The following RANBP3 variants were observed in gnomAD, a reference collection of about 807,000 sequenced individuals.
The protein encoded by RANBP3 is RAN binding protein 3, also known as ran-binding protein 3.
RANBP3 carries 14 observed loss-of-function variants against 77.3 expected under a neutral mutation model. That is an observed-to-expected ratio of 0.18 (90% CI 0.12 to 0.28). The LOEUF (loss-of-function observed/expected upper bound fraction) is 0.28, where lower values mean the gene tolerates loss of function less well. Among genes scored for constraint, RANBP3 ranks in the 10% least tolerant of loss-of-function variants. RANBP3 has a pLI of 1.00. For synonymous variants in RANBP3, 315 were observed against 312.4 expected (o/e 1.01, Z -0.09); for missense variants, 586 against 752.3 (o/e 0.78, Z 2.59).
chr19:5,939,156 G>A (rs2058102393), intron 5 of RANBP3, among the ~76,000 whole-genome samples: 1 of 152,212 alleles, frequency 6.6e-6, no homozygotes, highest in South Asian at 2.1e-4. Context: ...CTGCACTCCA[G>A]CCTGGGCAAA....
intron 3 of RANBP3, among the ~76,000 whole-genome samples, chr19:5,947,093 C>T (rs892613771): frequency 6.6e-6 from 1 of 152,134 alleles, no homozygotes; most frequent in Non-Finnish European, 1.5e-5. Flanking sequence ...GCGGGTGGAT[C>T]ACCTGAGGTC....
At chr19:5,977,536 C>A (rs889869062) in intron 1 of RANBP3, among the ~76,000 whole-genome samples, 22 of 150,888 alleles carry the variant, frequency 1.5e-4, no homozygotes, top group Admixed American at 1.2e-3. Context: ...GGGGCGGGGA[C>A]GGGGTGAAAA....
intron 3 of RANBP3, among the ~76,000 whole-genome samples, chr19:5,943,868 C>T (rs956985725): frequency 6.6e-6 from 1 of 152,196 alleles, no homozygotes; most frequent in Non-Finnish European, 1.5e-5. Context: ...GTCCAAAACG[C>T]AATGCCATCA....
At chr19:5,926,073 C>T (rs936987598) in intron 9 of RANBP3, among the ~76,000 whole-genome samples, 1 of 152,100 alleles carries the variant, frequency 6.6e-6, no homozygotes, top group Non-Finnish European at 1.5e-5. Context: ...ACAAAGCTGA[C>T]GTTTTGGGGG....
Position 5,916,882 on chromosome 19 carries a change from T to C in RANBP3, c.*728A>G, listed in dbSNP as rs1324234113. On this transcript the variant is annotated 3_prime_UTR_variant, in exon 17 of 17. Coordinates refer to ENST00000340578, the MANE Select transcript of RANBP3 (RefSeq NM_007322.3). ...TGACTTGGCCTGGAGGAACCTGGGG[T>C]GGGAAACAAGTAGTCCCCCAACCTC... is the stretch of plus-strand genomic sequence containing the variant. The C allele has an allele frequency of 6.6e-6, 1 of 151,516 alleles. No individual in the cohort carries two copies. The highest frequency in any genetic ancestry group is 1.5e-5 in the Non-Finnish European group (1 of 67,970). The allele number at this position is 151,516 out of a possible 1,614,324, so 9.4% of individuals were successfully genotyped here. A position where few individuals can be genotyped will look rare whatever the true frequency, so the allele number is the denominator to read the frequency against.
At chr19:5,940,642 AACAACTT>A (rs2058123865) in intron 5 of RANBP3, among the ~76,000 whole-genome samples, 1 of 152,214 alleles carries the variant, frequency 6.6e-6, no homozygotes, top group African/African-American at 2.4e-5. Context: ...TGTAAGCAGA[AACAACTT>A]GACATCCTGA....
Position 5,958,304 on chromosome 19 carries a change from G to A in RANBP3, c.23-331C>T, listed in dbSNP as rs187380929. Among the ~76,000 whole-genome samples, 1 of 152,348 alleles carries A rather than the reference G, an allele frequency of 6.6e-6. No individual in the cohort carries two copies. The highest frequency in any genetic ancestry group is 2.4e-5 in the African/African-American group (1 of 41,580). On this transcript the variant is annotated intron_variant, in intron 1 of 16. Coordinates refer to ENST00000340578, the MANE Select transcript of RANBP3 (RefSeq NM_007322.3). The surrounding 1 kb of genome is among the most constrained non-coding windows in gnomAD (Gnocchi z 4.4). ...GCAGCGCTATTTGGCGCCATGAACT[G>A]TGACCTTGCAGGAATGTGGCACCTC...
chr19:5,966,233 G>A (rs2058466387), intron 1 of RANBP3, among the ~76,000 whole-genome samples: 1 of 152,180 alleles, frequency 6.6e-6, no homozygotes, highest in Non-Finnish European at 1.5e-5. Flanking sequence ...GGAGGAGCAC[G>A]AACCAAACTA....
chr19:5,973,393 G>A (rs1244112874), intron 1 of RANBP3, among the ~76,000 whole-genome samples: 2 of 152,162 alleles, frequency 1.3e-5, no homozygotes, highest in African/African-American at 2.4e-5. Context: ...ACACTGGGAC[G>A]GAGACATTTC....
intron 1 of RANBP3, among the ~76,000 whole-genome samples, chr19:5,966,310 G>T (rs1387526133): frequency 1.3e-5 from 2 of 152,170 alleles, no homozygotes. Flanking sequence ...ACCTGCCTCA[G>T]CCAACACAGT....
In RANBP3 at chr19:5,917,028, T is replaced by C. The variant is rs1187234159; in HGVS notation, c.*582A>G. 6.4e-6 allele frequency: 1 copy of C among 155,388 alleles called. No homozygotes were observed. The highest frequency in any genetic ancestry group is 2.4e-5 in the African/African-American group (1 of 41,518). 9.6% of individuals were successfully genotyped at this position (155,388 alleles called of 1,614,324 possible). A position where few individuals can be genotyped will look rare whatever the true frequency, so the allele number is the denominator to read the frequency against. ...CTTCGAAAATAAAAAGAAAAAAAGA[T>C]GTAAAATATACACCCCCAATCAGAG... On this transcript the variant is annotated 3_prime_UTR_variant, in exon 17 of 17. Transcript: ENST00000340578.
chr19:5,966,712 A>G (rs1006822816), intron 1 of RANBP3, among the ~76,000 whole-genome samples: 2 of 152,224 alleles, frequency 1.3e-5, no homozygotes, highest in East Asian at 1.9e-4. Context: ...GAAAACACAT[A>G]TAAGAGAGAA....
At chr19:5,961,008 C>G (rs560730669) in intron 1 of RANBP3, among the ~76,000 whole-genome samples, 2 of 152,304 alleles carry the variant, frequency 1.3e-5, no homozygotes, top group East Asian at 3.9e-4. Flanking sequence ...ATCAGATCCT[C>G]CACAATTGCC....
chr19:5,932,225 C>T (rs2058001924), intron 7 of RANBP3, among the ~76,000 whole-genome samples: 1 of 152,208 alleles, frequency 6.6e-6, no homozygotes, highest in Non-Finnish European at 1.5e-5. Context: ...CAGCCGAGAG[C>T]TGTGAGGAAG....
Position 5,978,030 on chromosome 19 carries a change from G to A in RANBP3, c.22+31C>T, listed in dbSNP as rs559394644. On this transcript the variant is annotated intron_variant, in intron 1 of 16. Coordinates refer to ENST00000340578, the MANE Select transcript of RANBP3 (RefSeq NM_007322.3). The stretch of plus-strand genomic sequence containing the variant: ...TCCTCCCGCCGCCCGTTCCCCGGCC[G>A]CCAGCCGGTCCCCAACGGCGCCTCC... 105 of 1,607,108 alleles carry A rather than the reference G, an allele frequency of 6.5e-5. 1 individual carries two copies. Among genetic ancestry groups the A allele is most frequent in the Middle Eastern group, 5.0e-4 (3 of 6,042 alleles).
intron 1 of RANBP3, among the ~76,000 whole-genome samples, chr19:5,964,666 G>A (rs2058442199): frequency 6.6e-6 from 1 of 152,152 alleles, no homozygotes; most frequent in African/African-American, 2.4e-5. Flanking sequence ...CTGGACAGAA[G>A]GACAAGCAGC....
At position 5,944,152 on chromosome 19, in the gene RANBP3, C is replaced by T. The variant is rs549747659; in HGVS notation, c.283-2317G>A. Among the ~76,000 whole-genome samples the T allele has an allele frequency of 3.9e-5, 6 of 152,348 alleles. No individual in the cohort carries two copies. The East Asian group carries it at 9.6e-4, about 24-fold the overall frequency. On this transcript the variant is annotated intron_variant, in intron 3 of 16. Coordinates refer to ENST00000340578, the MANE Select transcript of RANBP3 (RefSeq NM_007322.3). ...TGATTATAATGCTCGTGACCCACAC[C>T]TGATGAGATCAAACTCCCAACCGAT...
At position 5,923,209 on chromosome 19, in the gene RANBP3, C is replaced by T. The variant is rs773488897; in HGVS notation, c.1194G>A (p.Glu398=). The change falls in exon 13 of 17, where the codon GAG becomes GAA. Residue 398 remains glutamate, a synonymous_variant. Transcript: ENST00000340578. ...KVEVITGEEA[E]SNVLQMQCKL... The stretch of plus-strand genomic sequence containing the variant: ...GGCCCCTCACCTGTAACACATTGCT[C>T]TCCGCCTCCTCCCCGGTGATGACTT... The T allele has an allele frequency of 1.9e-6, 3 of 1,614,180 alleles. No homozygotes were observed. The highest frequency in any genetic ancestry group is 1.7e-6 in the Non-Finnish European group (2 of 1,180,026).
chr19:5,925,506 G>A (rs2057893107), intron 10 of RANBP3, 128 bp downstream of exon 10: 12 of 770,078 alleles, frequency 1.6e-5, no homozygotes, highest in Non-Finnish European at 2.0e-5. Context: ...ATGAGAGAGA[G>A]GGGCCTGAGA....
Sources: allele counts gnomAD v4.1 joint callset (sites outside exome capture counted in the v4.1 genomes callset), GRCh38; gene constraint gnomAD v4.1.1; non-coding constraint Gnocchi (gnomAD v3.1); transcripts MANE v1.5; gene names NCBI Gene and HGNC (gene_info 2026-07-23, HGNC 2026-07-21).